Variants in METTL8 observed in about 807,000 individuals in gnomAD.
The protein encoded by METTL8 is methyltransferase 8, tRNA N3-cytidine, also known as tRNA N(3)-cytidine methyltransferase METTL8, mitochondrial.
A neutral mutation model predicts 48.7 loss-of-function variants in METTL8; 32 were observed. The observed-to-expected ratio is 0.66, with a 90% confidence interval of 0.50 to 0.88. The LOEUF (loss-of-function observed/expected upper bound fraction) is 0.88. Ranked by LOEUF, METTL8 falls within the 40% of genes least tolerant of loss-of-function variation. The pLI is 0.00. For missense variants in METTL8, 464 were observed against 474.4 expected (o/e 0.98, Z 0.20); for synonymous variants, 136 against 157.1 (o/e 0.87, Z 1.01).
intron 1 of METTL8, among the ~76,000 whole-genome samples, chr2:171,415,839 T>C (rs927138465): frequency 2.0e-5 from 3 of 152,110 alleles, no homozygotes; most frequent in African/African-American, 4.8e-5. Context: ...TGGACCCAAA[T>C]AGCCAAGGGT....
intron 1 of METTL8, among the ~76,000 whole-genome samples, chr2:171,423,010 T>C (rs371418569): frequency 7.9e-5 from 12 of 152,226 alleles, no homozygotes; most frequent in East Asian, 5.8e-4. Context: ...TGGGAGGTAA[T>C]TGAATTATGG....
chr2:171,370,605 C>T (rs1214636784), intron 2 of METTL8, among the ~76,000 whole-genome samples: 1 of 152,058 alleles, frequency 6.6e-6, no homozygotes, highest in Admixed American at 6.6e-5. Context: ...TCCTGGCTAA[C>T]ACAGTGAAAC....
At chr2:171,352,647 C>T (rs1433976996) in intron 3 of METTL8, among the ~76,000 whole-genome samples, 1 of 152,126 alleles carries the variant, frequency 6.6e-6, no homozygotes. Context: ...AATTTCAGAA[C>T]CTGTTATTGG....
At chr2:171,354,689 T>C (rs1333063355) in intron 3 of METTL8, among the ~76,000 whole-genome samples, 1 of 152,178 alleles carries the variant, frequency 6.6e-6, no homozygotes, top group African/African-American at 2.4e-5. Context: ...AACTTCTCTT[T>C]TCGCTTCATT....
chr2:171,395,794 C>T (rs1000480594), intron 1 of METTL8, among the ~76,000 whole-genome samples: 9 of 152,070 alleles, frequency 5.9e-5, no homozygotes, highest in East Asian at 3.8e-4. Context: ...AAATAACCAG[C>T]GACAAGCTAT....
chr2:171,399,634 A>G (rs1301389145), intron 1 of METTL8, among the ~76,000 whole-genome samples: 3 of 152,188 alleles, frequency 2.0e-5, no homozygotes, highest in Non-Finnish European at 2.9e-5. Flanking sequence ...GATCCTTTTC[A>G]CAATGATTCA....
At chr2:171,405,236 G>C (rs1052708686) in intron 1 of METTL8, among the ~76,000 whole-genome samples, 21 of 152,140 alleles carry the variant, frequency 1.4e-4, no homozygotes, top group African/African-American at 5.1e-4. Flanking sequence ...TGCTAGAGAT[G>C]TGTATCTGGG....
At chr2:171,410,211 T>C (rs192446216) in intron 1 of METTL8, among the ~76,000 whole-genome samples, 114 of 152,318 alleles carry the variant, frequency 7.5e-4, no homozygotes, top group Non-Finnish European at 1.3e-3. Flanking sequence ...AACCACATTT[T>C]CTATAGGAAC....
chr2:171,408,352 T>C (rs1168140995), intron 1 of METTL8, among the ~76,000 whole-genome samples: 3 of 150,688 alleles, frequency 2.0e-5, no homozygotes, highest in African/African-American at 7.3e-5. Flanking sequence ...TGGAGTGCAA[T>C]GGCAAGATTT....
intron 3 of METTL8, among the ~76,000 whole-genome samples, chr2:171,349,338 G>C (rs920296284): frequency 1.3e-5 from 2 of 151,980 alleles, no homozygotes; most frequent in Non-Finnish European, 2.9e-5. Flanking sequence ...CCCATTTCCC[G>C]AGCCCTTGGC....
intron 7 of METTL8, chr2:171,326,512 C>A: frequency 5.8e-6 from 1 of 172,152 alleles, no homozygotes. Context: ...GCTTCATTTT[C>A]CTTGCAAGAT....
At chr2:171,356,775 A>G (rs1000033566) in intron 3 of METTL8, among the ~76,000 whole-genome samples, 4 of 151,948 alleles carry the variant, frequency 2.6e-5, no homozygotes, top group Non-Finnish European at 5.9e-5. Context: ...CATTGTGTAT[A>G]TATACCACAT....
At chr2:171,357,200 C>A (rs193090922) in intron 3 of METTL8, among the ~76,000 whole-genome samples, 223 of 152,146 alleles carry the variant, frequency 1.5e-3, no homozygotes, top group African/African-American at 5.1e-3. Flanking sequence ...CTCAAGTGAT[C>A]TGCCCACCCT....
At chr2:171,423,685 G>C (rs1692109844) in intron 1 of METTL8, among the ~76,000 whole-genome samples, 1 of 152,144 alleles carries the variant, frequency 6.6e-6, no homozygotes, top group African/African-American at 2.4e-5. Flanking sequence ...AGATGATTTA[G>C]GGTATCTAGA....
chr2:171,401,617 G>T (rs1160550794), intron 1 of METTL8, among the ~76,000 whole-genome samples: 1 of 152,046 alleles, frequency 6.6e-6, no homozygotes, highest in Non-Finnish European at 1.5e-5. Flanking sequence ...TTTCTCTAAG[G>T]GATTTAATGT....
intron 2 of METTL8, among the ~76,000 whole-genome samples, chr2:171,372,815 AT>A (rs1369334144): frequency 2.6e-5 from 4 of 152,298 alleles, no homozygotes; most frequent in African/African-American, 9.6e-5. Context: ...ACATGAACTC[AT>A]CTTTTTTTAT....
chr2:171,399,798 AT>A (rs1163100714), intron 1 of METTL8, among the ~76,000 whole-genome samples: 1 of 152,166 alleles, frequency 6.6e-6, no homozygotes, highest in Non-Finnish European at 1.5e-5. Flanking sequence ...AAGGATTTTA[AT>A]AAAAGGAAAG....
rs916330243 is a variant in METTL8 at position 171,321,208 on chromosome 2, C to T, written c.*2964G>A. ...TGTTGGCTGTGACTGGACAGCATCCCTCCCCTGGTGTTTTTTGACAGCAGT... is the reference window on the plus strand; with the variant it reads ...TGTTGGCTGTGACTGGACAGCATCCTTCCCCTGGTGTTTTTTGACAGCAGT... On this transcript the variant is annotated 3_prime_UTR_variant, in exon 10 of 10. Transcript: ENST00000375258. The T allele has an allele frequency of 2.0e-5, 3 of 152,186 alleles. No individual in the cohort carries two copies. The highest frequency in any genetic ancestry group is 7.2e-5 in the African/African-American group (3 of 41,432). The allele number at this position is 152,186 out of a possible 1,614,324, so 9.4% of individuals were successfully genotyped here.
chr2:171,340,767 C>T (rs192682683), intron 3 of METTL8, among the ~76,000 whole-genome samples: 1 of 152,202 alleles, frequency 6.6e-6, no homozygotes, highest in Admixed American at 6.5e-5. Context: ...CCACTTGTTC[C>T]AAGTCCTAGA....
Sources: allele counts gnomAD v4.1 joint callset (sites outside exome capture counted in the v4.1 genomes callset), GRCh38; gene constraint gnomAD v4.1.1; transcripts MANE v1.5; gene names NCBI Gene and HGNC (gene_info 2026-07-23, HGNC 2026-07-21).